The following MAPK10 variants were observed in gnomAD, a reference collection of about 807,000 sequenced individuals.
MAPK10 encodes the protein mitogen-activated protein kinase 10.
MAPK10 carries 25 observed loss-of-function variants against 59.3 expected under a neutral mutation model. That is an observed-to-expected ratio of 0.42 (90% confidence interval 0.31 to 0.59). The LOEUF is 0.59. MAPK10 is among the 20% of genes least tolerant of loss of function. The probability of loss-of-function intolerance (pLI) is 0.15; values close to 1 mark genes in which losing one functional copy is unlikely to be tolerated. For missense variants in MAPK10, 351 were observed against 568.9 expected (o/e 0.62, Z 3.90); for synonymous variants, 190 against 200.5 (o/e 0.95, Z 0.44).
At chr4:86,393,836 C>T (rs534528617) in intron 1 of MAPK10, among the ~76,000 whole-genome samples, 4 of 152,296 alleles carry the variant, frequency 2.6e-5, no homozygotes, top group African/African-American at 9.6e-5. Context: ...CCTTGAGTGT[C>T]TTCTTCACCT....
In MAPK10 at chr4:86,459,311, A is replaced by G. The variant is rs1579294025; in HGVS notation, c.-262-104667T>C. Among the ~76,000 whole-genome samples, 14 of 152,366 alleles carry G rather than the reference A, an allele frequency of 9.2e-5. 1 individual carries two copies. Among genetic ancestry groups the G allele is most frequent in the Admixed American group, 6.5e-4 (10 of 15,306 alleles). On this transcript the variant is annotated intron_variant, in intron 1 of 4. Coordinates refer to the MAPK10 transcript ENST00000502302. Reference sequence around the variant, plus strand: ...ACACTTCTACGCTGCTGGTGGGAACATAAACTAGTAAAACCACTATGAAAA... The same window carrying G: ...ACACTTCTACGCTGCTGGTGGGAACGTAAACTAGTAAAACCACTATGAAAA...
intron 1 of MAPK10, among the ~76,000 whole-genome samples, chr4:86,476,093 C>T (rs1753068226): frequency 1.3e-5 from 2 of 152,100 alleles, no homozygotes; most frequent in Admixed American, 6.5e-5. Flanking sequence ...ACATTGTTCC[C>T]TCCCTAGTCT....
intron 9 of MAPK10, among the ~76,000 whole-genome samples, chr4:86,073,956 T>C (rs1258230034): frequency 4.4e-4 from 45 of 103,386 alleles, no homozygotes; most frequent in Middle Eastern, 4.3e-3. Flanking sequence ...CCTTGTTGAC[T>C]TTCTGTCTCG....
chr4:86,275,389 T>TGA (rs1401836386), intron 2 of MAPK10, among the ~76,000 whole-genome samples: 1 of 151,996 alleles, frequency 6.6e-6, no homozygotes, highest in Non-Finnish European at 1.5e-5. Context: ...GATAAGGAAA[T>TGA]GATGTAGTCC....
chr4:86,053,561 T>A (rs750990507), intron 11 of MAPK10, among the ~76,000 whole-genome samples: 21 of 152,216 alleles, frequency 1.4e-4, no homozygotes, highest in Admixed American at 3.9e-4. Flanking sequence ...CTTTTCTCTT[T>A]TTTATTCTTC....
At chr4:86,516,934 A>T (rs1756714418) in intron 1 of MAPK10, among the ~76,000 whole-genome samples, 1 of 152,136 alleles carries the variant, frequency 6.6e-6, no homozygotes, top group African/African-American at 2.4e-5. Flanking sequence ...TCTGGCTAGG[A>T]CTTCCAGTAC....
At chr4:86,452,657 C>T (rs980939620) in intron 1 of MAPK10, among the ~76,000 whole-genome samples, 13 of 152,122 alleles carry the variant, frequency 8.5e-5, no homozygotes, top group South Asian at 6.2e-4. Context: ...AGAGATTTTC[C>T]TGTAAGCTAA....
At chr4:86,102,178 A>G in intron 6 of MAPK10, 146 bp from the exon 7 acceptor site, 1 of 692,482 alleles carries the variant, frequency 1.4e-6, no homozygotes, top group Non-Finnish European at 2.5e-6. Context: ...ATTTCCAGGT[A>G]TTGCATGTGT....
intron 2 of MAPK10, among the ~76,000 whole-genome samples, chr4:86,270,932 G>A (rs2094415205): frequency 1.3e-5 from 2 of 151,836 alleles, no homozygotes. Context: ...TGAAATTTGG[G>A]GTTATTTTCA....
rs372167114 is a variant in MAPK10, at chr4:86,202,520, T to A, written c.-6-8113A>T. 5.3e-5 allele frequency among the ~76,000 whole-genome samples: 8 copies of A among 152,058 alleles called. No individual in the cohort carries two copies. The East Asian group carries it at 7.7e-4, about 15-fold the overall frequency. On this transcript the variant is annotated intron_variant, in intron 2 of 13. Coordinates refer to ENST00000641462, the MANE Select transcript of MAPK10 (RefSeq NM_138982.4). ...TGAAAGAAGAACCCAATTTTAAAAG[T>A]ACAAATCTACATTTTTAAATTATCT...
intron 4 of MAPK10, among the ~76,000 whole-genome samples, chr4:86,109,543 T>A (rs552110479): frequency 1.3e-5 from 2 of 152,226 alleles, no homozygotes; most frequent in East Asian, 3.9e-4. Flanking sequence ...GTTCCATCCA[T>A]GTCCCTGCAA....
At chr4:86,215,157 G>A (rs995060994) in intron 2 of MAPK10, among the ~76,000 whole-genome samples, 2 of 152,192 alleles carry the variant, frequency 1.3e-5, no homozygotes, top group Admixed American at 6.5e-5. Flanking sequence ...CCATCCAATG[G>A]TGAAAGGACA....
intron 4 of MAPK10, among the ~76,000 whole-genome samples, chr4:86,143,334 A>T (rs1454009212): frequency 4.6e-5 from 7 of 152,176 alleles, no homozygotes. Flanking sequence ...AACCATATCA[A>T]TATCCTTATA....
intron 9 of MAPK10, among the ~76,000 whole-genome samples, chr4:86,074,481 C>T (rs1409033169): frequency 6.8e-6 from 1 of 147,364 alleles, no homozygotes; most frequent in African/African-American, 2.6e-5. Flanking sequence ...GCAGTTTCTT[C>T]CTAGTCTCGA....
At chr4:86,519,939 G>A (rs1756994689) in intron 1 of MAPK10, among the ~76,000 whole-genome samples, 1 of 152,152 alleles carries the variant, frequency 6.6e-6, no homozygotes, top group Non-Finnish European at 1.5e-5. Flanking sequence ...GCTAAAGATA[G>A]GACCCCAATC....
chr4:86,024,504 TTA>T (rs1578703003), intron 13 of MAPK10: 1 of 152,208 alleles, frequency 6.6e-6, no homozygotes, highest in East Asian at 1.9e-4. Flanking sequence ...TGTAGTTTTG[TTA>T]TGGATTACCT....
intron 13 of MAPK10, chr4:86,024,189 A>G (rs1560637786): frequency 6.6e-6 from 1 of 152,156 alleles, no homozygotes; most frequent in Admixed American, 6.5e-5. Context: ...AGGCTCCCTT[A>G]TAGTAAAACA....
chr4:86,508,069 G>A (rs965778928), intron 1 of MAPK10, among the ~76,000 whole-genome samples: 1 of 151,962 alleles, frequency 6.6e-6, no homozygotes, highest in African/African-American at 2.4e-5. Flanking sequence ...AGAAAACATT[G>A]TCTTCTTTTA....
chr4:86,213,572 T>G (rs573116416), intron 2 of MAPK10, among the ~76,000 whole-genome samples: 1 of 152,098 alleles, frequency 6.6e-6, no homozygotes. Flanking sequence ...CAATAAGAGA[T>G]TACTGTGATT....
Sources: allele counts gnomAD v4.1 joint callset (sites outside exome capture counted in the v4.1 genomes callset), GRCh38; gene constraint gnomAD v4.1.1; transcripts MANE v1.5; gene names NCBI Gene and HGNC (gene_info 2026-07-23, HGNC 2026-07-21).